The following GRIK2 variants were observed in gnomAD, a reference collection of about 807,000 sequenced individuals.
GRIK2 encodes glutamate ionotropic receptor kainate type subunit 2.
Under a neutral mutation model 100.3 loss-of-function variants are expected in GRIK2, and 32 were observed. That is an observed-to-expected ratio of 0.32 (90% confidence interval 0.24 to 0.43). GRIK2 has a LOEUF of 0.43. Ranked by LOEUF, GRIK2 falls within the 20% of genes least tolerant of loss-of-function variation. The pLI is 1.00. For missense variants in GRIK2, 843 were observed against 1,114.9 expected (o/e 0.76, Z 3.47); for synonymous variants, 417 against 389.4 (o/e 1.07, Z -0.83).
intron 2 of GRIK2, among the ~76,000 whole-genome samples, chr6:101,532,478 T>C (rs1454357242): frequency 1.3e-5 from 2 of 151,536 alleles, no homozygotes; most frequent in African/African-American, 4.8e-5. Context: ...CAGGTGCAGA[T>C]AGCAAACATA....
chr6:101,610,217 C>T (rs1188997342), intron 2 of GRIK2, among the ~76,000 whole-genome samples: 1 of 151,180 alleles, frequency 6.6e-6, no homozygotes, highest in Non-Finnish European at 1.5e-5. Context: ...AAATGAAGGA[C>T]CTATCTTAAA....
At chr6:101,625,384 T>TA (rs1554230817) in intron 3 of GRIK2, among the ~76,000 whole-genome samples, 56 of 147,608 alleles carry the variant, frequency 3.8e-4, no homozygotes, top group African/African-American at 1.2e-3. Flanking sequence ...ACAAAATAAA[T>TA]AATAAATAAA....
intron 2 of GRIK2, among the ~76,000 whole-genome samples, chr6:101,537,013 A>C (rs578256091): frequency 3.5e-4 from 53 of 151,484 alleles, no homozygotes; most frequent in African/African-American, 1.3e-3. Context: ...AAATGGTCAA[A>C]ATACTTTGAG....
chr6:101,560,820 C>G (rs1776975636), intron 2 of GRIK2, among the ~76,000 whole-genome samples: 1 of 152,080 alleles, frequency 6.6e-6, no homozygotes, highest in Non-Finnish European at 1.5e-5. Context: ...CACATTATTG[C>G]TAACAGTTCC....
chr6:101,657,698 G>A (rs746384310), intron 4 of GRIK2, among the ~76,000 whole-genome samples: 24 of 152,196 alleles, frequency 1.6e-4, no homozygotes, highest in Non-Finnish European at 2.6e-4. Flanking sequence ...TATTATGTTA[G>A]CAATGTGGCA....
chr6:101,983,165 GATA>G (rs1397524849), intron 14 of GRIK2, among the ~76,000 whole-genome samples: 1 of 151,762 alleles, frequency 6.6e-6, no homozygotes, highest in African/African-American at 2.4e-5. Flanking sequence ...TAAATTGGAA[GATA>G]ATAAACTTGG....
At chr6:101,728,278 A>G (rs1775013944) in intron 7 of GRIK2, among the ~76,000 whole-genome samples, 1 of 152,138 alleles carries the variant, frequency 6.6e-6, no homozygotes, top group South Asian at 2.1e-4. Context: ...GACATCAACT[A>G]AGTAACAATA....
intron 4 of GRIK2, among the ~76,000 whole-genome samples, chr6:101,629,595 T>G (rs999889876): frequency 1.3e-5 from 2 of 152,118 alleles, no homozygotes; most frequent in East Asian, 3.9e-4. Context: ...TTTTGAGAAC[T>G]TTGATTATTT....
intron 14 of GRIK2, among the ~76,000 whole-genome samples, chr6:101,986,970 G>C (rs1794046585): frequency 6.6e-6 from 1 of 151,522 alleles, no homozygotes; most frequent in Admixed American, 6.6e-5. Flanking sequence ...TGAGACCCCA[G>C]CTATATTAAA....
At chr6:101,832,939 A>G (rs1782798102) in intron 10 of GRIK2, among the ~76,000 whole-genome samples, 1 of 152,202 alleles carries the variant, frequency 6.6e-6, no homozygotes, top group Admixed American at 6.5e-5. Flanking sequence ...CAGAAGAAAC[A>G]ACACAAATAC....
At chr6:101,446,624 A>G (rs562765362) in intron 2 of GRIK2, among the ~76,000 whole-genome samples, 5 of 151,958 alleles carry the variant, frequency 3.3e-5, no homozygotes, top group African/African-American at 1.2e-4. Flanking sequence ...ACAAGCCCTC[A>G]GAAAGGAAAA....
chr6:101,984,408 C>T (rs1163339125), intron 14 of GRIK2, among the ~76,000 whole-genome samples: 1 of 151,188 alleles, frequency 6.6e-6, no homozygotes, highest in East Asian at 2.0e-4. Flanking sequence ...AAGAATTGTC[C>T]CCTCAAAAAA....
chr6:102,021,871 C>T (rs1449657386), intron 14 of GRIK2, among the ~76,000 whole-genome samples: 5 of 150,312 alleles, frequency 3.3e-5, no homozygotes, highest in South Asian at 2.1e-4. Flanking sequence ...GTTTTGTGAG[C>T]GGGTGTCACT....
At chr6:101,843,056 G>C (rs1783609265) in intron 10 of GRIK2, among the ~76,000 whole-genome samples, 1 of 152,006 alleles carries the variant, frequency 6.6e-6, no homozygotes, top group Non-Finnish European at 1.5e-5. Context: ...TTCATTTTTC[G>C]ATTGGCTCCA....
intron 15 of GRIK2, among the ~76,000 whole-genome samples, chr6:102,043,523 CCTGA>C (rs1382866358): frequency 2.0e-5 from 3 of 151,858 alleles, no homozygotes; most frequent in Admixed American, 6.6e-5. Flanking sequence ...TCTTTTTGTG[CCTGA>C]CTTCTTTCAT....
chr6:101,478,506 GTT>G (rs5878666), intron 2 of GRIK2, among the ~76,000 whole-genome samples: 109 of 119,528 alleles, frequency 9.1e-4, no homozygotes, highest in East Asian at 3.7e-3. Context: ...TTCTGTTTTG[GTT>G]TTTTTTTTTT....
chr6:101,758,341 T>G (rs1208861155), intron 7 of GRIK2, among the ~76,000 whole-genome samples: 1 of 152,254 alleles, frequency 6.6e-6, no homozygotes, highest in Non-Finnish European at 1.5e-5. Flanking sequence ...AGTACTTATC[T>G]TGCTATAACT....
At chr6:101,741,129 A>C (rs1776000585) in intron 7 of GRIK2, among the ~76,000 whole-genome samples, 1 of 152,232 alleles carries the variant, frequency 6.6e-6, no homozygotes, top group South Asian at 2.1e-4. Flanking sequence ...TGCAACTAGG[A>C]AATTTCCCTG....
chr6:101,636,983 C>T (rs141551413), intron 4 of GRIK2, among the ~76,000 whole-genome samples: 347 of 152,084 alleles, frequency 2.3e-3, no homozygotes, highest in Middle Eastern at 0.01. Context: ...AAATTTTGAC[C>T]ATTCCTTTTT....
Sources: allele counts gnomAD v4.1 joint callset (sites outside exome capture counted in the v4.1 genomes callset), GRCh38; gene constraint gnomAD v4.1.1; transcripts MANE v1.5; gene names NCBI Gene and HGNC (gene_info 2026-07-23, HGNC 2026-07-21).